CSMD2: variants seen among roughly 807,000 people sequenced by gnomAD.
CSMD2 encodes CUB and sushi domain-containing protein 2.
CSMD2 carries 130 observed loss-of-function variants against 398.5 expected under a neutral mutation model. That is an observed-to-expected ratio of 0.33 (90% CI 0.28 to 0.38). The LOEUF (loss-of-function observed/expected upper bound fraction) is 0.38, where lower values mean the gene tolerates loss of function less well. Among genes scored for constraint, CSMD2 ranks in the 10% least tolerant of loss-of-function variants. The pLI, the probability that CSMD2 is intolerant of heterozygous loss-of-function variation, is 1.00. For synonymous variants in CSMD2, 1,828 were observed against 1,908.5 expected (o/e 0.96, Z 1.10); for missense variants, 3,829 against 4,764.9 (o/e 0.80, Z 5.78).
chr1:33,761,862 G>C (rs1253762742), intron 13 of CSMD2, among the ~76,000 whole-genome samples: 1 of 152,180 alleles, frequency 6.6e-6, no homozygotes, highest in Non-Finnish European at 1.5e-5. Flanking sequence ...CAGGTAGCCT[G>C]GGGGAGCTCC....
chr1:33,564,688 C>A (rs886484404), intron 53 of CSMD2, among the ~76,000 whole-genome samples: 1 of 152,198 alleles, frequency 6.6e-6, no homozygotes, highest in Non-Finnish European at 1.5e-5. Context: ...CAAGCACAAG[C>A]TACAATATCT....
chr1:33,973,231 C>T (rs996884802), intron 3 of CSMD2, among the ~76,000 whole-genome samples: 4 of 152,206 alleles, frequency 2.6e-5, no homozygotes, highest in Non-Finnish European at 5.9e-5. Context: ...GGCATGTCCC[C>T]AAGCTGTGTT....
intron 7 of CSMD2, 140 bp downstream of exon 7, chr1:33,825,557 C>A (rs993854873): frequency 7.9e-6 from 6 of 763,296 alleles, no homozygotes; most frequent in African/African-American, 3.5e-5. Context: ...GTCAGTGTGT[C>A]CAAGCGCAGA....
intron 64 of CSMD2, among the ~76,000 whole-genome samples, chr1:33,528,781 G>T (rs1339398783): frequency 1.3e-5 from 2 of 152,154 alleles, no homozygotes; most frequent in African/African-American, 4.8e-5. Flanking sequence ...TTAAATAAAA[G>T]TAGCTATAAT....
chr1:33,847,592 T>C (rs1453719131), intron 5 of CSMD2, among the ~76,000 whole-genome samples: 8 of 152,166 alleles, frequency 5.3e-5, no homozygotes, highest in Admixed American at 5.2e-4. Context: ...ATCTGGCACA[T>C]GTTAGCTTAA....
chr1:34,091,751 G>T (rs1266275329), intron 1 of CSMD2, among the ~76,000 whole-genome samples: 1 of 152,098 alleles, frequency 6.6e-6, no homozygotes, highest in Admixed American at 6.5e-5. Flanking sequence ...CTAGGAAAAA[G>T]AATATTTCCT....
chr1:33,913,376 G>T (rs1643561734), intron 5 of CSMD2, among the ~76,000 whole-genome samples: 1 of 152,202 alleles, frequency 6.6e-6, no homozygotes, highest in African/African-American at 2.4e-5. Flanking sequence ...CTGCTGGTGA[G>T]ATGCCACTGG....
intron 43 of CSMD2, among the ~76,000 whole-genome samples, chr1:33,601,256 T>C (rs546531174): frequency 5.0e-4 from 76 of 152,276 alleles, no homozygotes; most frequent in African/African-American, 1.8e-3. Context: ...ACCAGCCCAA[T>C]GGGCTCCTGG....
chr1:33,807,149 G>A (rs533976962), intron 10 of CSMD2, among the ~76,000 whole-genome samples: 4 of 152,182 alleles, frequency 2.6e-5, no homozygotes, highest in Non-Finnish European at 5.9e-5. Flanking sequence ...CAGCAACAGT[G>A]AAACCCAGAA....
chr1:33,695,362 G>A (rs1238359219), intron 24 of CSMD2, among the ~76,000 whole-genome samples: 1 of 152,174 alleles, frequency 6.6e-6, no homozygotes, highest in African/African-American at 2.4e-5. Flanking sequence ...ACACATCAGT[G>A]AACTTTGCAT....
intron 5 of CSMD2, among the ~76,000 whole-genome samples, chr1:33,917,621 T>C (rs1305362064): frequency 6.6e-6 from 1 of 152,204 alleles, no homozygotes; most frequent in Admixed American, 6.5e-5. Context: ...CTTCAGACAC[T>C]GGGACATAAT....
At chr1:33,986,112 C>A (rs1010517054) in intron 3 of CSMD2, among the ~76,000 whole-genome samples, 9 of 152,202 alleles carry the variant, frequency 5.9e-5, no homozygotes, top group Non-Finnish European at 1.2e-4. Context: ...GCAGAGCTGG[C>A]AGCAGCCAGG....
At chr1:34,039,929 G>A (rs1401561614) in intron 2 of CSMD2, among the ~76,000 whole-genome samples, 1 of 152,146 alleles carries the variant, frequency 6.6e-6, no homozygotes, top group Admixed American at 6.5e-5. Flanking sequence ...AAGGTGGGAG[G>A]ATCACTTGAG....
At chr1:33,619,424 A>C (rs1439509311) in intron 37 of CSMD2, among the ~76,000 whole-genome samples, 1 of 150,320 alleles carries the variant, frequency 6.7e-6, no homozygotes, top group Non-Finnish European at 1.5e-5. Context: ...CTAGACCATC[A>C]GCCACCAACC....
intron 40 of CSMD2, among the ~76,000 whole-genome samples, chr1:33,613,965 C>T (rs544355392): frequency 4.6e-5 from 7 of 152,116 alleles, no homozygotes; most frequent in Admixed American, 3.9e-4. Flanking sequence ...AATAACCCCC[C>T]AAAACCAAAA....
chr1:33,754,703 T>A (rs897697640), intron 13 of CSMD2, among the ~76,000 whole-genome samples: 3 of 152,244 alleles, frequency 2.0e-5, no homozygotes, highest in Non-Finnish European at 4.4e-5. Context: ...TAAAAGTTTT[T>A]AAAGGTTCCT....
At chr1:33,954,194 G>A (rs1478687907) in intron 3 of CSMD2, among the ~76,000 whole-genome samples, 1 of 152,118 alleles carries the variant, frequency 6.6e-6, no homozygotes, top group East Asian at 1.9e-4. Context: ...TCATGATCTT[G>A]TTTCTACAAA....
At chr1:33,578,787 G>A (rs1333001164) in intron 48 of CSMD2, among the ~76,000 whole-genome samples, 2 of 152,128 alleles carry the variant, frequency 1.3e-5, no homozygotes, top group African/African-American at 4.8e-5. Context: ...TGCGCGTGTG[G>A]GGCCCTTACA....
intron 1 of CSMD2, among the ~76,000 whole-genome samples, chr1:34,092,433 G>C (rs565316314): frequency 6.6e-6 from 1 of 152,162 alleles, no homozygotes; most frequent in Non-Finnish European, 1.5e-5. Flanking sequence ...AACAGCTCCC[G>C]TCCACAGCTC....
Sources: allele counts gnomAD v4.1 joint callset (sites outside exome capture counted in the v4.1 genomes callset), GRCh38; gene constraint gnomAD v4.1.1; transcripts MANE v1.5; gene names NCBI Gene and HGNC (gene_info 2026-07-23, HGNC 2026-07-21).